Variants in PBX1 observed in about 807,000 individuals in gnomAD.
PBX1 encodes the protein pre-B-cell leukemia transcription factor 1.
PBX1 carries 6 observed loss-of-function variants against 53.4 expected under a neutral mutation model. The ratio of observed to expected loss-of-function variants is 0.11; its 90% CI spans 0.06 to 0.22. The LOEUF (loss-of-function observed/expected upper bound fraction) is 0.22, where lower values mean the gene tolerates loss of function less well. Among genes scored for constraint, PBX1 ranks in the 10% least tolerant of loss-of-function variants. The pLI is 1.00. For missense variants in PBX1, 251 were observed against 551.4 expected, an observed-to-expected ratio of 0.46 and a Z score of 5.46; for synonymous variants, 204 against 212.3, an observed-to-expected ratio of 0.96 and a Z score of 0.34.
chr1:164,673,049 G>A (rs1661202305), intron 2 of PBX1, among the ~76,000 whole-genome samples: 1 of 152,182 alleles, frequency 6.6e-6, no homozygotes, highest in Non-Finnish European at 1.5e-5. Context: ...GGGTGTCCAT[G>A]TGTATGTAAT....
intron 2 of PBX1, among the ~76,000 whole-genome samples, chr1:164,766,735 TTTA>T (rs201720332): frequency 0.1 from 11,441 of 113,840 alleles, 417 homozygotes; most frequent in South Asian, 0.22. Flanking sequence ...TATTTATTTA[TTTA>T]TTTTTTTTTT....
intron 2 of PBX1, among the ~76,000 whole-genome samples, chr1:164,620,786 G>A (rs1657618200): frequency 1.3e-5 from 2 of 151,812 alleles, no homozygotes; most frequent in South Asian, 2.1e-4. Context: ...GGGCTTAAGC[G>A]ATTTTCCTGC....
chr1:164,714,337 G>C (rs1282962134), intron 2 of PBX1, among the ~76,000 whole-genome samples: 1 of 152,154 alleles, frequency 6.6e-6, no homozygotes, highest in African/African-American at 2.4e-5. Context: ...TTTACATGTA[G>C]GCTAAGCCCC....
intron 2 of PBX1, chr1:164,682,126 A>C (rs1270333640): frequency 6.6e-6 from 1 of 152,238 alleles, no homozygotes; most frequent in Non-Finnish European, 1.5e-5. Flanking sequence ...CGTCTTTCTT[A>C]CAGATTTATT....
intron 2 of PBX1, among the ~76,000 whole-genome samples, chr1:164,766,647 T>G (rs1667068773): frequency 6.6e-6 from 1 of 152,124 alleles, no homozygotes; most frequent in South Asian, 2.1e-4. Context: ...TCTAGAGTTT[T>G]ATATTCCTTA....
At chr1:164,877,392 G>A (rs373019668) in intron 2 of PBX1, among the ~76,000 whole-genome samples, 3 of 152,208 alleles carry the variant, frequency 2.0e-5, no homozygotes, top group African/African-American at 7.2e-5. Context: ...GCTGGGCACA[G>A]TGGCTCACGC....
At chr1:164,633,507 T>C (rs1658547251) in intron 2 of PBX1, among the ~76,000 whole-genome samples, 2 of 152,238 alleles carry the variant, frequency 1.3e-5, no homozygotes, top group South Asian at 4.1e-4. Flanking sequence ...GTATTTTCAC[T>C]GCTAGGTCCA....
At chr1:164,763,490 G>A (rs9660091) in intron 2 of PBX1, among the ~76,000 whole-genome samples, 40,458 of 152,136 alleles carry the variant, frequency 0.27, 6,694 homozygotes, top group Middle Eastern at 0.37. Context: ...AGGGAGTCTT[G>A]GACATGTAGC....
At chr1:164,861,359 A>G (rs1022268950) in intron 2 of PBX1, among the ~76,000 whole-genome samples, 1 of 152,212 alleles carries the variant, frequency 6.6e-6, no homozygotes, top group Non-Finnish European at 1.5e-5. Context: ...TGATTTATTT[A>G]AAGAATCCTA....
intron 2 of PBX1, among the ~76,000 whole-genome samples, chr1:164,647,993 T>C (rs1299116806): frequency 6.6e-6 from 1 of 152,108 alleles, no homozygotes; most frequent in South Asian, 2.1e-4. Flanking sequence ...TTTTTTGTAT[T>C]TTTAGTAGAG....
intron 2 of PBX1, among the ~76,000 whole-genome samples, chr1:164,786,031 G>A (rs1237796996): frequency 6.6e-6 from 1 of 152,202 alleles, no homozygotes; most frequent in Non-Finnish European, 1.5e-5. Flanking sequence ...AGAGGTGGCA[G>A]AGAGAACAGC....
At chr1:164,856,157 A>C (rs1276503429), downstream of PBX1, among the ~76,000 whole-genome samples, 1 of 152,180 alleles carries the variant, frequency 6.6e-6, no homozygotes, top group African/African-American at 2.4e-5. Flanking sequence ...TTGTTGGTGC[A>C]GAGGGCAGGG....
At chr1:164,665,264 A>C (rs1164824879) in intron 2 of PBX1, among the ~76,000 whole-genome samples, 1 of 152,140 alleles carries the variant, frequency 6.6e-6, no homozygotes, top group East Asian at 1.9e-4. Context: ...AATTTATTAA[A>C]ATTTTCAGAT....
At chr1:164,758,879 A>G (rs1393570888) in intron 2 of PBX1, among the ~76,000 whole-genome samples, 1 of 152,194 alleles carries the variant, frequency 6.6e-6, no homozygotes, top group Non-Finnish European at 1.5e-5. Context: ...TTGCTGAATT[A>G]CTAAATGCAT....
intron 2 of PBX1, among the ~76,000 whole-genome samples, chr1:164,875,067 C>T (rs1198969118): frequency 6.6e-6 from 1 of 152,180 alleles, no homozygotes; most frequent in Non-Finnish European, 1.5e-5. Flanking sequence ...GCCACCTCCC[C>T]TCAGTGTGCT....
chr1:164,622,966 CA>C (rs1202827149), intron 2 of PBX1, among the ~76,000 whole-genome samples: 1 of 152,022 alleles, frequency 6.6e-6, no homozygotes, highest in Non-Finnish European at 1.5e-5. Flanking sequence ...AGGCACGTGC[CA>C]CTACACCCGG....
At chr1:164,885,103 G>A (rs1333604985) in intron 2 of PBX1, among the ~76,000 whole-genome samples, 3 of 152,254 alleles carry the variant, frequency 2.0e-5, no homozygotes, top group African/African-American at 7.2e-5. Context: ...TCCTTGTTCT[G>A]TGGATGATGT....
intron 2 of PBX1, among the ~76,000 whole-genome samples, chr1:164,788,894 T>C (rs1336810649): frequency 6.6e-6 from 1 of 152,120 alleles, no homozygotes; most frequent in Non-Finnish European, 1.5e-5. Context: ...CAATTTCTAA[T>C]TGGCCACATT....
intron 2 of PBX1, among the ~76,000 whole-genome samples, chr1:164,883,255 G>A (rs753435617): frequency 3.3e-5 from 5 of 152,062 alleles, no homozygotes; most frequent in African/African-American, 1.2e-4. Context: ...AACATGAGAC[G>A]ATGTTATTAG....
Sources: allele counts gnomAD v4.1 joint callset (sites outside exome capture counted in the v4.1 genomes callset), GRCh38; gene constraint gnomAD v4.1.1; transcripts MANE v1.5; gene names NCBI Gene and HGNC (gene_info 2026-07-23, HGNC 2026-07-21).